PNISR: variants seen among roughly 807,000 people sequenced by gnomAD.
The protein encoded by PNISR is PNN interacting serine and arginine rich protein.
Under a neutral mutation model 93.4 loss-of-function variants are expected in PNISR, and 20 were observed. That is an observed-to-expected ratio of 0.21 (90% CI 0.15 to 0.31). The LOEUF (loss-of-function observed/expected upper bound fraction) is 0.31. PNISR is among the 10% of genes least tolerant of loss of function. The probability of loss-of-function intolerance (pLI) is 1.00; values close to 1 mark genes in which losing one functional copy is unlikely to be tolerated. For missense variants in PNISR, 893 were observed against 985.4 expected, an observed-to-expected ratio of 0.91 and a Z score of 1.25; for synonymous variants, 305 against 306.5, an observed-to-expected ratio of 0.99 and a Z score of 0.05.
Position 99,401,112 on chromosome 6 carries a change from T to C in PNISR, c.1846A>G (p.Arg616Gly). The C allele has an allele frequency of 2.5e-6, 4 of 1,613,956 alleles. No homozygotes were observed. Among genetic ancestry groups the C allele is most frequent in the Non-Finnish European group, 3.4e-6 (4 of 1,180,016 alleles). Residue 616 changes from arginine (R) to glycine (G), a missense_variant, in exon 12 of 12, where the codon AGA (arginine) becomes GGA (glycine). Coordinates refer to ENST00000369239, the MANE Select transcript of PNISR (RefSeq NM_032870.4). Reference protein sequence around the residue: ...RRRNRSPSRERRRSRSRSRDR... With the variant: ...RRRNRSPSREGRRSRSRSRDR... ...CTTGAGCGACTTCTACTTCTACGTC[T>C]CTCTCGGGAAGGACTCCGATTTCGT...
rs960395195 is a variant in PNISR, at chr6:99,414,089, G to A, written c.88+483C>T. ...GGCAGAGCAACGTAAGTGGTCTTAC[G>A]GATGAAACAAAATTGGCCACTAGTT... On this transcript the variant is annotated intron_variant, in intron 3 of 11. Coordinates refer to ENST00000369239, the MANE Select transcript of PNISR (RefSeq NM_032870.4). Among the ~76,000 whole-genome samples, 9 of 152,222 alleles carry A rather than the reference G, an allele frequency of 5.9e-5. No homozygotes were observed. The East Asian group carries it at 7.7e-4, about 13-fold the overall frequency.
At chr6:99,407,352 A>AG (rs1554214337) in intron 7 of PNISR, among the ~76,000 whole-genome samples, 1 of 151,826 alleles carries the variant, frequency 6.6e-6, no homozygotes, top group African/African-American at 2.4e-5. Flanking sequence ...AAAAAAAAAA[A>AG]AGAGTAACCT....
Position 99,401,518 on chromosome 6 carries a change from A to G in PNISR, c.1440T>C (p.Asn480=). The G allele has an allele frequency of 6.2e-7, 1 of 1,612,958 alleles. No homozygotes were observed. Among genetic ancestry groups the G allele is most frequent in the Non-Finnish European group, 8.5e-7 (1 of 1,179,788 alleles). The change falls in exon 12 of 12, where the codon AAT becomes AAC. Residue 480 remains asparagine (N), a synonymous_variant. Transcript: ENST00000369239. ...TTTCATTTGGAGTTCTCTTCTTTTC[A>G]TTAACCACATCACCGTCTGCTTCTC... ...EAREADGDVV[N]EKKRTPNETT...
At chr6:99,422,901 T>G (rs1364209328) in intron 1 of PNISR, among the ~76,000 whole-genome samples, 2 of 95,926 alleles carry the variant, frequency 2.1e-5, no homozygotes, top group East Asian at 2.5e-4. Context: ...AAAAAAAAAC[T>G]GGAGAATTGG....
chr6:99,415,365 A>G (rs984111187), intron 2 of PNISR: 1 of 152,196 alleles, frequency 6.6e-6, no homozygotes, highest in Non-Finnish European at 1.5e-5. Flanking sequence ...GAAATGAGAT[A>G]AACGGTATTA....
In PNISR at chr6:99,406,086, G is replaced by C. The variant is rs1285096098; in HGVS notation, c.947C>G (p.Pro316Arg). 4.3e-6 allele frequency: 7 copies of C among 1,611,018 alleles called. No homozygotes were observed. In the African/African-American group the frequency reaches 8.0e-5, roughly 18 times the overall value. Residue 316 changes from proline (P) to arginine (R), a missense_variant, in exon 8 of 12, where the codon CCT becomes CGT. Pro to Arg is a moderately radical substitution (Grantham distance 103). This residue lies in a region of PNISR where 866 missense variants were observed against 935.1 expected (regional missense o/e 0.93). Transcript: ENST00000369239. ...CTCAGGGTCACTGTGCTCTTCTTGA[G>C]GAACTGGGGATGGACTTCTGGTGAC... ...GKVTRSPSPV[P>R]QEEHSDPEMT...
intron 4 of PNISR, chr6:99,412,338 A>G (rs529890808): frequency 1.5e-6 from 1 of 670,456 alleles, no homozygotes; most frequent in East Asian, 2.9e-5. Flanking sequence ...AAGAACCAAG[A>G]AAAGAATCAA....
chr6:99,404,139 C>G (rs112018229), intron 9 of PNISR: 40 of 450,970 alleles, frequency 8.9e-5, no homozygotes, highest in African/African-American at 7.2e-4. Flanking sequence ...GAGATTATGA[C>G]ATGTAACTTA....
In PNISR at chr6:99,400,693, A is replaced by C; in HGVS notation, c.2265T>G (p.Asp755Glu). ...ACTCAGAACTGCTCCTTCCACTAGA[A>C]TCAGAGCCTGAATGTTTTTTACTAT... ...TKDSKKHSGS[D>E]SSGRSSSESP... The change falls in exon 12 of 12, where the codon GAT becomes GAG. Residue 755 changes from aspartate (D) to glutamate (E), a missense_variant. Transcript: ENST00000369239. The C allele has an allele frequency of 1.2e-6, 2 of 1,613,578 alleles. No individual in the cohort carries two copies. The highest frequency in any genetic ancestry group is 1.7e-6 in the Non-Finnish European group (2 of 1,179,870).
intron 5 of PNISR, chr6:99,410,335 T>C (rs977009864): frequency 1.7e-4 from 28 of 168,358 alleles, no homozygotes; most frequent in Admixed American, 1.2e-3. Flanking sequence ...TAATTCTACA[T>C]AGCACAAGGA....
At chr6:99,411,597 TA>T (rs1776920488) in intron 4 of PNISR, 1 of 149,624 alleles carries the variant, frequency 6.7e-6, no homozygotes, top group African/African-American at 2.5e-5. Context: ...TTTTTAAAAG[TA>T]ATCTGAATTC....
Position 99,425,250 on chromosome 6 carries a change from T to C in PNISR, c.-147A>G. On this transcript the variant is annotated 5_prime_UTR_variant, in exon 1 of 12. Transcript: ENST00000369239. ...TCGGGAACACCCTTGTCGCCGCCGT[T>C]CCGGTAACACCTCTCCAACGCTTTC... 2 of 1,232,172 alleles carry C rather than the reference T, an allele frequency of 1.6e-6. No homozygotes were observed. The allele number at this position is 1,232,172 out of a possible 1,614,324, so 76.3% of individuals were successfully genotyped here.
intron 3 of PNISR, 101 bp from the exon 4 acceptor site, chr6:99,412,840 A>G: frequency 1.3e-6 from 1 of 745,016 alleles, no homozygotes; most frequent in Non-Finnish European, 2.0e-6. Context: ...TAGATCTTAA[A>G]TATTTCAGAC....
chr6:99,410,672 T>C, intron 5 of PNISR, 69 bp downstream of exon 5: 3 of 1,118,140 alleles, frequency 2.7e-6, no homozygotes, highest in African/African-American at 1.5e-5. Flanking sequence ...TAGGTATTCT[T>C]GATGAGACAC....
intron 10 of PNISR, 159 bp from the exon 11 acceptor site, chr6:99,402,869 G>A (rs775707200): frequency 6.0e-5 from 29 of 482,574 alleles, no homozygotes; most frequent in Non-Finnish European, 9.8e-5. Flanking sequence ...AAACGCTTAA[G>A]GAGTTCACAG....
rs762287728 is a variant in PNISR, at chr6:99,400,893, C to G, written c.2065G>C (p.Asp689His). The change falls in exon 12 of 12, where the codon GAT becomes CAT. Residue 689 changes from aspartate to histidine, a missense_variant. Around this residue, in one of 3 missense-constraint regions of PNISR, gnomAD observed 866 missense variants for 935.1 expected, o/e 0.93. Transcript: ENST00000369239. ...CTTTTTTGTTTCTCTTTTCTTTTAT[C>G]CTGTTCACGTTCCCTTTCTTTGTCT... ...KKDKEREREQ[D>H]KRKEKQKREE... is the part of the protein sequence containing the mutation. The G allele has an allele frequency of 6.3e-7, 1 of 1,574,994 alleles. No homozygotes were observed. Among genetic ancestry groups the G allele is most frequent in the Admixed American group, 1.7e-5 (1 of 58,642 alleles).
At chr6:99,416,274 C>T (rs1365183658) in intron 2 of PNISR, 75 bp downstream of exon 2, 3 of 469,834 alleles carry the variant, frequency 6.4e-6, no homozygotes, top group Non-Finnish European at 1.0e-5. Context: ...AGTAACTTCG[C>T]TTACAACTTT....
At chr6:99,423,530 A>G (rs1437270919) in intron 1 of PNISR, among the ~76,000 whole-genome samples, 1 of 152,190 alleles carries the variant, frequency 6.6e-6, no homozygotes. Context: ...CAGAAGGATG[A>G]TCAAGGTCAG....
rs565963563 is a variant in PNISR, at chr6:99,423,841, T to C, written c.-112+1374A>G. On this transcript the variant is annotated intron_variant, in intron 1 of 11. Coordinates refer to ENST00000369239, the MANE Select transcript of PNISR (RefSeq NM_032870.4). ...CTGGAGGCGTATAGTGTAAGCTCTA[T>C]GGGGTTGATTTCATTCTAAGGCCTC... Among the ~76,000 whole-genome samples, 61 of 152,290 alleles carry C rather than the reference T, an allele frequency of 4.0e-4. No individual in the cohort carries two copies. In the South Asian group the frequency reaches 0.012, roughly 29 times the overall value.
Sources: allele counts gnomAD v4.1 joint callset (sites outside exome capture counted in the v4.1 genomes callset), GRCh38; gene constraint gnomAD v4.1.1; regional missense constraint gnomAD v4.1.1; transcripts MANE v1.5; gene names NCBI Gene and HGNC (gene_info 2026-07-23, HGNC 2026-07-21).